Variants in ATXN2 observed in about 807,000 individuals in gnomAD.
ATXN2 encodes ataxin 2, also known as ataxin-2.
A neutral mutation model predicts 138.6 loss-of-function variants in ATXN2; 37 were observed. The ratio of observed to expected loss-of-function variants is 0.27; its 90% confidence interval spans 0.21 to 0.35. The LOEUF is 0.35. Ranked by LOEUF, ATXN2 falls within the 10% of genes least tolerant of loss-of-function variation. ATXN2 has a pLI of 1.00. For missense variants in ATXN2, 1,216 were observed against 1,480.3 expected (o/e 0.82, Z 2.93); for synonymous variants, 549 against 543.7 (o/e 1.01, Z -0.13).
intron 14 of ATXN2, among the ~76,000 whole-genome samples, chr12:111,498,521 A>T (rs1026626016): frequency 6.6e-6 from 1 of 152,216 alleles, no homozygotes. Flanking sequence ...CCAAATGAGT[A>T]AAAGATTTCT....
intron 14 of ATXN2, among the ~76,000 whole-genome samples, chr12:111,506,816 G>A (rs1374459080): frequency 3.3e-5 from 5 of 152,114 alleles, no homozygotes; most frequent in South Asian, 2.1e-4. Flanking sequence ...GGCCCGCGCC[G>A]CCACGCCTGA....
chr12:111,578,092 G>A (rs905151863), intron 1 of ATXN2, among the ~76,000 whole-genome samples: 4 of 152,160 alleles, frequency 2.6e-5, no homozygotes, highest in African/African-American at 9.6e-5. Context: ...AGCTATTCAG[G>A]AGGTTGAGGC....
rs11348701 is a variant in ATXN2, at chr12:111,452,429, A to ATTTTTTTTTTTT, written c.*371_*382dup. ...TAGTAAAAGGGCGTTCCAAGTCTTG[A>ATTTTTTTTTTTT]TTTTTTTTTTTTTTTTTTTTTAGCA... On this transcript the variant is annotated 3_prime_UTR_variant, in exon 25 of 25. Coordinates refer to ENST00000673436, the MANE Select transcript of ATXN2 (RefSeq NM_001372574.1). 7.7e-6 allele frequency: 1 copy of ATTTTTTTTTTTT among 129,190 alleles called. No homozygotes were observed. The highest frequency in any genetic ancestry group is 2.9e-5 in the African/African-American group (1 of 34,718). The allele number at this position is 129,190 out of a possible 1,614,324, so 8.0% of individuals were successfully genotyped here.
intron 5 of ATXN2, among the ~76,000 whole-genome samples, chr12:111,530,674 CGTAGT>C (rs1260240207): frequency 1.3e-5 from 2 of 152,132 alleles, no homozygotes; most frequent in African/African-American, 4.8e-5. Flanking sequence ...GTTAGATGGG[CGTAGT>C]GGCCGGCGCC....
At chr12:111,560,259 AT>A (rs1882608192) in intron 1 of ATXN2, among the ~76,000 whole-genome samples, 3 of 152,342 alleles carry the variant, frequency 2.0e-5, no homozygotes, top group African/African-American at 7.2e-5. Flanking sequence ...AATAAAAAAT[AT>A]ATAACAACTA....
At chr12:111,510,214 A>AT (rs1340538215) in intron 12 of ATXN2, among the ~76,000 whole-genome samples, 171 bp downstream of exon 12, 1 of 152,226 alleles carries the variant, frequency 6.6e-6, no homozygotes, top group Non-Finnish European at 1.5e-5. Flanking sequence ...CACAGACACT[A>AT]TATTAAATTA....
intron 8 of ATXN2, among the ~76,000 whole-genome samples, chr12:111,519,049 C>A (rs1880011615): frequency 6.6e-6 from 1 of 152,206 alleles, no homozygotes; most frequent in African/African-American, 2.4e-5. Context: ...TCCCCTCAAA[C>A]TTGCTCCATG....
chr12:111,537,400 C>G (rs1039031659), intron 5 of ATXN2, among the ~76,000 whole-genome samples: 1 of 151,958 alleles, frequency 6.6e-6, no homozygotes, highest in Admixed American at 6.6e-5. Context: ...GCCTGGCCAA[C>G]ATGGTGCAAC....
At chr12:111,554,361 A>C in intron 2 of ATXN2, 144 bp from the exon 3 acceptor site, 1 of 497,528 alleles carries the variant, frequency 2.0e-6, no homozygotes, top group Non-Finnish European at 3.4e-6. Flanking sequence ...GTGCTTGAAC[A>C]TCCCTAATTC....
chr12:111,582,483 C>T (rs896428046), intron 1 of ATXN2, among the ~76,000 whole-genome samples: 1 of 151,770 alleles, frequency 6.6e-6, no homozygotes, highest in Non-Finnish European at 1.5e-5. Context: ...TTGCATGTGC[C>T]TGTGGTCCCA....
chr12:111,452,226 ACT>A lies in ATXN2; in HGVS notation c.*584_*585del, dbSNP rs1874698836. 6.6e-6 allele frequency: 1 copy of A among 152,268 alleles called. No homozygotes were observed. Among genetic ancestry groups the A allele is most frequent in the Non-Finnish European group, 1.5e-5 (1 of 68,024 alleles). The allele number at this position is 152,268 out of a possible 1,614,324, so 9.4% of individuals were successfully genotyped here. ...CACACTAACTTGATCAGTTTTTAAAACTTTTTTTATTTTTTAAATTTTTTTTA... is the reference window on the plus strand; with the variant it reads ...CACACTAACTTGATCAGTTTTTAAAATTTTTTATTTTTTAAATTTTTTTTA... On this transcript the variant is annotated 3_prime_UTR_variant, in exon 25 of 25. Transcript: ENST00000673436.
At chr12:111,533,677 T>C (rs775343231) in intron 5 of ATXN2, among the ~76,000 whole-genome samples, 5 of 152,150 alleles carry the variant, frequency 3.3e-5, no homozygotes, top group Non-Finnish European at 7.4e-5. Flanking sequence ...ACATGTGCAC[T>C]ACCATGGCCA....
chr12:111,489,505 C>T (rs764402862), intron 14 of ATXN2, among the ~76,000 whole-genome samples: 3 of 151,600 alleles, frequency 2.0e-5, no homozygotes, highest in Admixed American at 6.6e-5. Flanking sequence ...CCCTGCTACT[C>T]GGGAGGCTGA....
rs1411805324 is a variant in ATXN2, at chr12:111,507,223, G to A, written c.1935+2326C>T. Among the ~76,000 whole-genome samples, 10 of 150,364 alleles carry A rather than the reference G, an allele frequency of 6.7e-5. No homozygotes were observed. The South Asian group carries it at 1.3e-3, about 19-fold the overall frequency. ...CCATCCCGTCTAGGAAGTGAGGAGC[G>A]TCTCTGCCCGGCCACCCGTCGTCTG... On this transcript the variant is annotated intron_variant, in intron 14 of 24. Transcript: ENST00000673436.
At chr12:111,599,549 C>T (rs754835421), upstream of ATXN2, 260 of 1,187,082 alleles carry the variant, frequency 2.2e-4, no homozygotes, top group Admixed American at 6.4e-4. Flanking sequence ...CGGGTGGGAG[C>T]GGAGGTGCGG....
At position 111,456,030 on chromosome 12, in the gene ATXN2, T is replaced by C. The variant is rs1208628975; in HGVS notation, c.3269A>G (p.Gln1090Arg). The C allele has an allele frequency of 6.2e-7, 1 of 1,613,890 alleles. No homozygotes were observed. ...TNPPHMAHVP[Q>R]AHVQSGMVPS... Reference sequence around the variant, plus strand: ...AAAGTTGGCTAAAGCTGGTATTACCTGAGGTACGTGGGCCATGTGGGGTGG... The same window carrying C: ...AAAGTTGGCTAAAGCTGGTATTACCCGAGGTACGTGGGCCATGTGGGGTGG... Residue 1090 changes from glutamine (Q) to arginine (R), a missense_variant and splice_region_variant, in exon 23 of 25, where the codon CAG becomes CGG. Gln to Arg is a conservative substitution (Grantham distance 43). Coordinates refer to ENST00000673436, the MANE Select transcript of ATXN2 (RefSeq NM_001372574.1).
At chr12:111,585,817 A>C (rs1282046998) in intron 1 of ATXN2, among the ~76,000 whole-genome samples, 1 of 150,452 alleles carries the variant, frequency 6.6e-6, no homozygotes, top group Non-Finnish European at 1.5e-5. Flanking sequence ...AAAAAAAAAA[A>C]AAAAAAAAAA....
In ATXN2 at chr12:111,516,465, T is replaced by C. The variant is rs1879861414; in HGVS notation, c.1166-102A>G. ...GTAAAATGACAAAAATGATTTCTTG[T>C]ACATTTTAACCCTTTGAGGACAGTC... On this transcript the variant is annotated intron_variant, in intron 9 of 24. Transcript: ENST00000673436. The surrounding 1 kb of genome is among the most constrained non-coding windows in gnomAD (Gnocchi z 5.0). 8.7e-7 allele frequency: 1 copy of C among 1,154,288 alleles called. No individual in the cohort carries two copies. Among genetic ancestry groups the C allele is most frequent in the East Asian group, 2.6e-5 (1 of 37,896 alleles). The allele number at this position is 1,154,288 out of a possible 1,614,324, so 71.5% of individuals were successfully genotyped here.
At chr12:111,474,192 G>T (rs1341636000) in intron 18 of ATXN2, among the ~76,000 whole-genome samples, 1 of 152,132 alleles carries the variant, frequency 6.6e-6, no homozygotes, top group Admixed American at 6.5e-5. Context: ...CTGCACTCCA[G>T]CTTGGGTGAC....
Sources: allele counts gnomAD v4.1 joint callset (sites outside exome capture counted in the v4.1 genomes callset), GRCh38; gene constraint gnomAD v4.1.1; non-coding constraint Gnocchi (gnomAD v3.1); transcripts MANE v1.5; gene names NCBI Gene and HGNC (gene_info 2026-07-23, HGNC 2026-07-21).